PCDHGA1: variants seen among roughly 807,000 people sequenced by gnomAD.
PCDHGA1 encodes the protein protocadherin gamma-A1.
In PCDHGA1, 32 loss-of-function variants were observed where a neutral mutation model predicts 58.0. That is an observed-to-expected ratio of 0.55 (90% CI 0.42 to 0.74). The LOEUF (loss-of-function observed/expected upper bound fraction) is 0.74, where lower values mean the gene tolerates loss of function less well. PCDHGA1 is among the 30% of genes least tolerant of loss of function. The pLI is 0.00. For synonymous variants in PCDHGA1, 498 were observed against 501.1 expected (o/e 0.99, Z 0.08); for missense variants, 1,205 against 1,182.3 (o/e 1.02, Z -0.28).
chr5:141,422,043 G>A (rs1307532347), intron 1 of PCDHGA1: 13 of 1,611,504 alleles, frequency 8.1e-6, no homozygotes, highest in African/African-American at 1.3e-5. Flanking sequence ...ATCCAGACGA[G>A]GGAATCAACG....
intron 1 of PCDHGA1, chr5:141,399,574 G>C (rs1191176960): frequency 6.2e-7 from 1 of 1,614,046 alleles, no homozygotes; most frequent in Middle Eastern, 1.6e-4. Flanking sequence ...GAACGGCCAA[G>C]TCTCCTACTC....
intron 1 of PCDHGA1, chr5:141,410,576 C>T (rs533810160): frequency 8.7e-6 from 14 of 1,611,152 alleles, no homozygotes; most frequent in Non-Finnish European, 1.2e-5. Context: ...AATTCCACCT[C>T]ATGGTGGGGA....
intron 1 of PCDHGA1, chr5:141,407,930 C>G: frequency 2.0e-6 from 1 of 498,998 alleles, no homozygotes. Context: ...CGCACGGAGC[C>G]TCTGGGCGCC....
intron 1 of PCDHGA1, chr5:141,478,111 A>G (rs2099430294): frequency 1.2e-6 from 2 of 1,613,982 alleles, no homozygotes; most frequent in Admixed American, 1.7e-5. Context: ...TCACTGTGTC[A>G]GTAACCGAGG....
intron 1 of PCDHGA1, chr5:141,394,449 A>T: frequency 6.2e-7 from 1 of 1,614,230 alleles, no homozygotes; most frequent in Non-Finnish European, 8.5e-7. Context: ...CAGCAGCAAC[A>T]TGTCACTGAG....
chr5:141,463,874 G>T (rs1311566242), intron 1 of PCDHGA1, among the ~76,000 whole-genome samples: 1 of 152,136 alleles, frequency 6.6e-6, no homozygotes, highest in Non-Finnish European at 1.5e-5. Flanking sequence ...TGACTGAAAG[G>T]AAAAGTTTTC....
chr5:141,385,095 G>A (rs1780850874), intron 1 of PCDHGA1: 9 of 1,614,202 alleles, frequency 5.6e-6, no homozygotes, highest in East Asian at 4.5e-5. Context: ...AAGGTGGCTT[G>A]GCGAACGTGC....
At chr5:141,393,000 G>C (rs772046833) in intron 1 of PCDHGA1, 5 of 1,613,856 alleles carry the variant, frequency 3.1e-6, no homozygotes, top group African/African-American at 1.3e-5. Context: ...GGCGAAGCAC[G>C]GAGTCCGTAT....
chr5:141,414,990 C>A (rs1442265707), intron 1 of PCDHGA1: 5 of 1,613,794 alleles, frequency 3.1e-6, no homozygotes, highest in Admixed American at 1.7e-5. Context: ...CCGGCCAGAA[C>A]GCCTGGCTGT....
intron 1 of PCDHGA1, among the ~76,000 whole-genome samples, chr5:141,456,288 G>A (rs371687260): frequency 1.4e-3 from 217 of 152,226 alleles, no homozygotes; most frequent in Middle Eastern, 6.8e-3. Context: ...GAAAAGGGGC[G>A]TCTAATGGAG....
At chr5:141,405,256 G>GATGTGATGCTCT (rs1316160577) in intron 1 of PCDHGA1, 2 of 1,614,050 alleles carry the variant, frequency 1.2e-6, no homozygotes, top group Non-Finnish European at 1.7e-6. Flanking sequence ...AGAGTCACCT[G>GATGTGATGCTCT]ATCTTCCCCC....
chr5:141,364,678 T>G (rs758125696), intron 1 of PCDHGA1: 4 of 1,613,814 alleles, frequency 2.5e-6, no homozygotes, highest in Non-Finnish European at 3.4e-6. Flanking sequence ...AAATGAAAAT[T>G]TATGGAGTAG....
intron 1 of PCDHGA1, among the ~76,000 whole-genome samples, chr5:141,454,458 G>A (rs535843071): frequency 5.3e-5 from 8 of 152,322 alleles, no homozygotes; most frequent in Non-Finnish European, 1.5e-5. Flanking sequence ...CCAGGCTGGA[G>A]TGCAATGGCA....
intron 1 of PCDHGA1, chr5:141,357,460 T>G: frequency 6.2e-7 from 1 of 1,614,166 alleles, no homozygotes; most frequent in Non-Finnish European, 8.5e-7. Flanking sequence ...GCAGACCTAT[T>G]CCCACGAGGT....
At chr5:141,382,597 A>G (rs1231482807) in intron 1 of PCDHGA1, 7 of 256,092 alleles carry the variant, frequency 2.7e-5, no homozygotes, top group African/African-American at 6.6e-5. Context: ...AGATGAAACA[A>G]TTTTCTATGA....
intron 1 of PCDHGA1, chr5:141,421,487 C>A (rs1447180364): frequency 6.2e-7 from 1 of 1,613,976 alleles, no homozygotes; most frequent in East Asian, 2.2e-5. Context: ...AGCTTGATCA[C>A]GGCAGGCAGG....
At chr5:141,385,000 T>C (rs1271412814) in intron 1 of PCDHGA1, 1 of 1,614,138 alleles carries the variant, frequency 6.2e-7, no homozygotes, top group South Asian at 1.1e-5. Flanking sequence ...GGCCACAGTC[T>C]CCTGCGTCTT....
intron 1 of PCDHGA1, chr5:141,384,992 C>A (rs536147893): frequency 6.2e-7 from 1 of 1,614,146 alleles, no homozygotes; most frequent in Admixed American, 1.7e-5. Context: ...GTGGCGGTGG[C>A]CACAGTCTCC....
At chr5:141,475,760 C>T (rs1480762060) in intron 1 of PCDHGA1, among the ~76,000 whole-genome samples, 1 of 152,286 alleles carries the variant, frequency 6.6e-6, no homozygotes, top group Non-Finnish European at 1.5e-5. Flanking sequence ...TGCACCGATA[C>T]TGGCAAGGCG....
Sources: gnomAD v4.1 joint callset for allele counts (sites outside exome capture counted in the v4.1 genomes callset) on GRCh38, gnomAD v4.1.1 for gene constraint, MANE v1.5 for transcripts, NCBI Gene and HGNC (gene_info 2026-07-23, HGNC 2026-07-21) for gene names.